Variants in IQCM observed in about 807,000 individuals in gnomAD.
The protein encoded by IQCM is IQ domain-containing protein M.
IQCM carries 45 observed loss-of-function variants against 57.6 expected under a neutral mutation model. That is an observed-to-expected ratio of 0.78 (90% CI 0.62 to 1.00). The LOEUF is 1.00. IQCM is among the 50% of genes least tolerant of loss of function. The pLI, the probability that IQCM is intolerant of heterozygous loss-of-function variation, is 0.00. For synonymous variants in IQCM, 148 were observed against 158.9 expected (o/e 0.93, Z 0.51); for missense variants, 468 against 511.6 (o/e 0.91, Z 0.82).
chr4:149,686,731 G>T (rs776957949), intron 5 of IQCM, among the ~76,000 whole-genome samples: 5 of 151,492 alleles, frequency 3.3e-5, no homozygotes, highest in Non-Finnish European at 7.4e-5. Context: ...TGCTCTCAGA[G>T]AAATGGCTGC....
intron 12 of IQCM, among the ~76,000 whole-genome samples, chr4:149,483,993 C>T (rs1234680785): frequency 6.6e-6 from 1 of 151,922 alleles, no homozygotes; most frequent in Non-Finnish European, 1.5e-5. Context: ...TATCCTCTTG[C>T]TAAATTAATT....
At chr4:149,725,709 G>A (rs1011744876) in intron 5 of IQCM, among the ~76,000 whole-genome samples, 2 of 152,000 alleles carry the variant, frequency 1.3e-5, no homozygotes, top group Non-Finnish European at 2.9e-5. Context: ...CATTAGAAAG[G>A]ATTACTCACA....
chr4:149,415,447 G>T (rs550855267), intron 13 of IQCM, among the ~76,000 whole-genome samples: 1 of 152,162 alleles, frequency 6.6e-6, no homozygotes, highest in Non-Finnish European at 1.5e-5. Context: ...AGTGGTAAGT[G>T]TGTTTTATAA....
At chr4:149,791,229 C>T (rs775899202) in intron 2 of IQCM, among the ~76,000 whole-genome samples, 7 of 151,872 alleles carry the variant, frequency 4.6e-5, no homozygotes, top group Non-Finnish European at 8.8e-5. Context: ...TTATTACTGT[C>T]TTTTATTGAT....
intron 12 of IQCM, among the ~76,000 whole-genome samples, chr4:149,547,411 T>C (rs940607212): frequency 9.2e-5 from 14 of 152,192 alleles, no homozygotes; most frequent in African/African-American, 2.9e-4. Flanking sequence ...AAATACTGTG[T>C]AGTCTCACTT....
rs537780077 is a variant in IQCM, at chr4:149,386,541, A to T, written c.1391-34475T>A. 9.2e-5 allele frequency among the ~76,000 whole-genome samples: 14 copies of T among 152,172 alleles called. No homozygotes were observed. The South Asian group carries it at 2.9e-3, about 32-fold the overall frequency. ...ACTGCAATTGTCATTATCATAACTA[A>T]CATAAATAGCAAGAATTCCTTTGTA... On this transcript the variant is annotated intron_variant, in intron 13 of 13. Transcript: ENST00000636793.
At chr4:149,588,265 T>TTTTA (rs965635959) in intron 8 of IQCM, among the ~76,000 whole-genome samples, 29 of 151,826 alleles carry the variant, frequency 1.9e-4, no homozygotes, top group African/African-American at 4.6e-4. Flanking sequence ...TAGATCAGAA[T>TTTTA]TTTATTTATT....
At chr4:149,558,791 G>A (rs909217142) in intron 10 of IQCM, among the ~76,000 whole-genome samples, 1 of 152,092 alleles carries the variant, frequency 6.6e-6, no homozygotes, top group South Asian at 2.1e-4. Context: ...CTTCTTCCAT[G>A]AAAGAATTTA....
At chr4:149,802,922 T>A (rs965934154) in intron 2 of IQCM, among the ~76,000 whole-genome samples, 4 of 152,000 alleles carry the variant, frequency 2.6e-5, no homozygotes, top group Non-Finnish European at 5.9e-5. Flanking sequence ...TACTTTCTAA[T>A]GTTCTATGTT....
intron 9 of IQCM, among the ~76,000 whole-genome samples, chr4:149,571,852 T>G (rs1329002639): frequency 6.6e-6 from 1 of 152,122 alleles, no homozygotes; most frequent in African/African-American, 2.4e-5. Context: ...GAATGCATCT[T>G]GATCACAAGA....
At chr4:149,443,663 A>AGAAAT (rs1736193794) in intron 12 of IQCM, among the ~76,000 whole-genome samples, 1 of 56,078 alleles carries the variant, frequency 1.8e-5, no homozygotes, top group Non-Finnish European at 3.2e-5. Flanking sequence ...CCAATGGTAA[A>AGAAAT]GAAAGGAAAG....
At chr4:149,782,295 GA>G (rs535110011) in intron 2 of IQCM, among the ~76,000 whole-genome samples, 7 of 151,432 alleles carry the variant, frequency 4.6e-5, no homozygotes, top group Admixed American at 2.0e-4. Flanking sequence ...CAGTTATGAG[GA>G]AAAAAAGGAA....
At chr4:149,665,814 G>T (rs1003776343) in intron 7 of IQCM, among the ~76,000 whole-genome samples, 1 of 152,104 alleles carries the variant, frequency 6.6e-6, no homozygotes, top group African/African-American at 2.4e-5. Flanking sequence ...TGCCAGTGTG[G>T]CCAGGATAAA....
At chr4:149,522,565 G>A (rs959904069) in intron 12 of IQCM, among the ~76,000 whole-genome samples, 3 of 152,140 alleles carry the variant, frequency 2.0e-5, no homozygotes, top group Non-Finnish European at 4.4e-5. Flanking sequence ...ATTAAAGCCT[G>A]ATTTAGTAGC....
intron 2 of IQCM, among the ~76,000 whole-genome samples, chr4:149,765,380 C>T (rs974465385): frequency 6.6e-6 from 1 of 152,082 alleles, no homozygotes; most frequent in Non-Finnish European, 1.5e-5. Context: ...AGATAAGAAT[C>T]TCTGTGCTTA....
At chr4:149,549,315 A>C (rs916203908) in intron 11 of IQCM, among the ~76,000 whole-genome samples, 1 of 152,080 alleles carries the variant, frequency 6.6e-6, no homozygotes. Flanking sequence ...GGAGATCGAG[A>C]CCATCCCGGC....
chr4:149,700,055 T>C (rs1763649083), intron 5 of IQCM, among the ~76,000 whole-genome samples: 1 of 152,006 alleles, frequency 6.6e-6, no homozygotes. Flanking sequence ...CCTGCCCTCA[T>C]TGTGTTGCCC....
intron 5 of IQCM, among the ~76,000 whole-genome samples, chr4:149,718,152 A>G (rs765657310): frequency 1.3e-5 from 2 of 152,180 alleles, no homozygotes; most frequent in Non-Finnish European, 2.9e-5. Context: ...TCACTTATTT[A>G]AAGCCATATT....
intron 7 of IQCM, among the ~76,000 whole-genome samples, chr4:149,673,685 C>T (rs921046223): frequency 9.2e-5 from 14 of 152,200 alleles, no homozygotes; most frequent in East Asian, 5.8e-4. Flanking sequence ...GAGACTTTAA[C>T]GCCCCACTGT....
Sources: gnomAD v4.1 joint callset for allele counts (sites outside exome capture counted in the v4.1 genomes callset) on GRCh38, gnomAD v4.1.1 for gene constraint, MANE v1.5 for transcripts, NCBI Gene and HGNC (gene_info 2026-07-23, HGNC 2026-07-21) for gene names.